MUC12: variants seen among roughly 807,000 people sequenced by gnomAD.
The protein encoded by MUC12 is mucin 12, cell surface associated.
Under a neutral mutation model 230.8 loss-of-function variants are expected in MUC12, and 172 were observed. That is an observed-to-expected ratio of 0.75 (90% CI 0.66 to 0.85). The LOEUF is 0.85. Among genes scored for constraint, MUC12 ranks in the 40% least tolerant of loss-of-function variants. MUC12 has a pLI of 0.00. For missense variants in MUC12, 3,506 were observed against 5,920.6 expected (o/e 0.59, Z 13.38); for synonymous variants, 1,259 against 2,401.9 (o/e 0.52, Z 13.91).
chr7:101,007,543 A>T (rs2116349447), intron 3 of MUC12, among the ~76,000 whole-genome samples: 1 of 152,004 alleles, frequency 6.6e-6, no homozygotes, highest in South Asian at 2.1e-4. Flanking sequence ...CTTAACAACG[A>T]CCTCCAGTTC....
At position 100,990,909 on chromosome 7, in the gene MUC12, T is replaced by G. The variant is rs1483606424; in HGVS notation, c.346T>G (p.Ser116Ala). 4.6e-6 allele frequency: 7 copies of G among 1,537,680 alleles called. No homozygotes were observed. Among genetic ancestry groups the G allele is most frequent in the Non-Finnish European group, 6.1e-6 (7 of 1,147,048 alleles). Residue 116 changes from serine to alanine, a missense_variant, in exon 2 of 12, where the codon TCA (serine) becomes GCA (alanine). By Grantham distance (99) the Ser-to-Ala change is moderately conservative. Coordinates refer to ENST00000536621, the MANE Select transcript of MUC12 (RefSeq NM_001164462.2). ...AGAACCTAAAACCTCACCCATCACT[T>G]CAGCCTCAATGGAAACAACAGCGTT... is the stretch of plus-strand genomic sequence containing the variant. ...VGEPKTSPITSASMETTALPG... is the reference protein window; with the variant it reads ...VGEPKTSPITAASMETTALPG...
rs1303769747 is a variant in MUC12, at chr7:100,991,627, T to A, written c.1064T>A (p.Val355Asp). 5.9e-6 allele frequency: 9 copies of A among 1,536,324 alleles called. No homozygotes were observed. Among genetic ancestry groups the A allele is most frequent in the Non-Finnish European group, 7.9e-6 (9 of 1,146,320 alleles). The change falls in exon 2 of 12, where the codon GTT becomes GAT. Residue 355 changes from valine (V) to aspartate (D), a missense_variant. Transcript: ENST00000536621. Reference sequence around the variant, plus strand: ...GCCCGCTCCGCGACCTCAGGCCATGTTGAAGAATCTACAGCCTACCACAGG... The same window carrying A: ...GCCCGCTCCGCGACCTCAGGCCATGATGAAGAATCTACAGCCTACCACAGG... ...PPARSATSGH[V>D]EESTAYHRSP...
intron 11 of MUC12, 75 bp from the exon 12 acceptor site, chr7:101,018,520 G>T (rs535134357): frequency 4.1e-6 from 6 of 1,461,022 alleles, no homozygotes; most frequent in South Asian, 3.6e-5. Flanking sequence ...CCCCGCCAGG[G>T]CTCCCTCTTC....
chr7:100,978,053 G>A (rs867227196), intron 1 of MUC12, among the ~76,000 whole-genome samples: 1 of 152,134 alleles, frequency 6.6e-6, no homozygotes, highest in African/African-American at 2.4e-5. Flanking sequence ...AATGACATCT[G>A]GAAAGCCCCT....
rs1238352076 is a variant in MUC12, at chr7:101,017,417, G to A, written c.15878-158G>A. On this transcript the variant is annotated intron_variant, in intron 10 of 11. Coordinates refer to ENST00000536621, the MANE Select transcript of MUC12 (RefSeq NM_001164462.2). ...CCCCAGGCAGGCTCTGCACTTACCC[G>A]CAGCCCAGTGATGCAGGGTCGGAGG... 3.2e-5 allele frequency: 19 copies of A among 593,106 alleles called. 1 individual carries two copies. The South Asian group carries it at 3.6e-4, about 11-fold the overall frequency. The allele number at this position is 593,106 out of a possible 1,614,324, so 36.7% of individuals were successfully genotyped here.
At chr7:100,990,524 G>C (rs1411136354) in intron 1 of MUC12, 107 bp from the exon 2 acceptor site, 1 of 1,357,842 alleles carries the variant, frequency 7.4e-7, no homozygotes, top group African/African-American at 1.4e-5. Flanking sequence ...CAATACCATG[G>C]GCTGACCAGG....
rs750014426 is a variant in MUC12 at position 101,006,534 on chromosome 7, G to A, written c.15020G>A (p.Gly5007Asp). ...TGCGTCTGTCCCCAAGGCTACGTTG[G>A]TTACCAGTGCTTGTCCCCTCTGGAA... ...KQCVCPQGYV[G>D]YQCLSPLESF... Residue 5007 changes from glycine to aspartate, a missense_variant, in exon 3 of 12, where the codon GGT becomes GAT. By Grantham distance (94) the Gly-to-Asp change is moderately conservative (BLOSUM62 -1). Transcript: ENST00000536621. 2 of 1,537,230 alleles carry A rather than the reference G, an allele frequency of 1.3e-6. No homozygotes were observed. Among genetic ancestry groups the A allele is most frequent in the Admixed American group, 2.0e-5 (1 of 50,986 alleles).
intron 1 of MUC12, among the ~76,000 whole-genome samples, chr7:100,973,435 C>T (rs1338351864): frequency 9.0e-6 from 1 of 111,552 alleles, no homozygotes; most frequent in Non-Finnish European, 2.0e-5. Flanking sequence ...GCCCCAGCCC[C>T]TACTACAGGC....
Position 100,992,086 on chromosome 7 carries a change from T to A in MUC12, c.1523T>A (p.Leu508Ter), listed in dbSNP as rs553651662. The A allele has an allele frequency of 6.5e-7, 1 of 1,537,004 alleles. No homozygotes were observed. The highest frequency in any genetic ancestry group is 2.4e-5 in the East Asian group (1 of 40,844). Reference protein sequence around the residue: ...SSPRSPDTTHLPASMTSSGVS... With the variant: ...SSPRSPDTTH ...CCCAGATCACCAGACACAACACACT[T>A]ACCTGCCAGCATGACAAGCTCAGGC... Residue 508 changes from leucine to a stop codon, truncating the protein, a stop_gained, in exon 2 of 12, where the codon TTA becomes TAA. Coordinates refer to ENST00000536621, the MANE Select transcript of MUC12 (RefSeq NM_001164462.2). LOFTEE classifies it high-confidence loss of function.
chr7:101,018,594 G>C lies in MUC12; in HGVS notation c.15967-1G>C, dbSNP rs1386746556. 2 of 1,535,614 alleles carry C rather than the reference G, an allele frequency of 1.3e-6. No individual in the cohort carries two copies. The highest frequency in any genetic ancestry group is 2.5e-5 in the East Asian group (1 of 40,670). ...CTCACCTCTTCTCTCCCGTCCCCCAGCTCCACATCCAGAGGCCGGAGATGG... is the reference window on the plus strand; with the variant it reads ...CTCACCTCTTCTCTCCCGTCCCCCACCTCCACATCCAGAGGCCGGAGATGG... On this transcript the variant is annotated splice_acceptor_variant, in intron 11 of 11. Coordinates refer to ENST00000536621, the MANE Select transcript of MUC12 (RefSeq NM_001164462.2). LOFTEE classifies it high-confidence loss of function.
chr7:101,006,530 G>A lies in MUC12; in HGVS notation c.15016G>A (p.Val5006Ile), dbSNP rs992982479. 37 of 1,537,124 alleles carry A rather than the reference G, an allele frequency of 2.4e-5. No individual in the cohort carries two copies. The highest frequency in any genetic ancestry group is 4.9e-5 in the East Asian group (2 of 40,932). ...GKQCVCPQGY[V>I]GYQCLSPLES... ...ACAATGCGTCTGTCCCCAAGGCTAC[G>A]TTGGTTACCAGTGCTTGTCCCCTCT... is the stretch of plus-strand genomic sequence containing the variant. Residue 5006 changes from valine to isoleucine, a missense_variant, in exon 3 of 12, where the codon GTT becomes ATT. Val to Ile is a conservative substitution (Grantham distance 29). Transcript: ENST00000536621.
chr7:101,005,490 CT>C lies in MUC12; in HGVS notation c.14928del (p.Thr4977LeufsTer7). ...CCAAGCTTCACTTCTACAATTGTGT[CT>C]ACTGAAAGCCTGGAAACCTTAGCAC... ...TSPSFTSTIV[S>X]TESLETLAPG... On this transcript the variant is annotated frameshift_variant, in exon 2 of 12. Coordinates refer to ENST00000536621, the MANE Select transcript of MUC12 (RefSeq NM_001164462.2). LOFTEE classifies it high-confidence loss of function. 1 of 1,537,370 alleles carries C rather than the reference CT, an allele frequency of 6.5e-7. No individual in the cohort carries two copies. Among genetic ancestry groups the C allele is most frequent in the Non-Finnish European group, 8.7e-7 (1 of 1,146,738 alleles).
chr7:100,978,603 A>G (rs992954457), intron 1 of MUC12, among the ~76,000 whole-genome samples: 6 of 152,076 alleles, frequency 3.9e-5, no homozygotes, highest in Non-Finnish European at 5.9e-5. Context: ...CCACACTGCC[A>G]CTGCCTCTTC....
intron 9 of MUC12, among the ~76,000 whole-genome samples, chr7:101,014,804 T>G (rs1438242603): frequency 1.3e-5 from 2 of 151,594 alleles, no homozygotes; most frequent in African/African-American, 4.9e-5. Context: ...TAAATTAAAT[T>G]AAATTAAATT....
At chr7:101,012,684 G>A (rs1793855152) in intron 6 of MUC12, 135 bp from the exon 7 acceptor site, 2 of 1,069,890 alleles carry the variant, frequency 1.9e-6, no homozygotes, top group East Asian at 2.6e-5. Flanking sequence ...CCAGCTGCAT[G>A]TCTAGGGTGG....
intron 10 of MUC12, among the ~76,000 whole-genome samples, chr7:101,016,255 A>T (rs1793916996): frequency 6.6e-6 from 1 of 151,922 alleles, no homozygotes; most frequent in Non-Finnish European, 1.5e-5. Context: ...AGAGTGAGGG[A>T]CGTGAGGTTG....
rs117387753 is a variant in MUC12, at chr7:100,991,606, G to A, written c.1043G>A (p.Arg348His). 0.014 allele frequency: 21,826 copies of A among 1,536,820 alleles called. 232 individuals are homozygous for A. The highest frequency in any genetic ancestry group is 0.018 in the South Asian group (1,489 of 84,024). The change falls in exon 2 of 12, where the codon CGC becomes CAC. Residue 348 changes from arginine to histidine, a missense_variant. Physicochemically the swap from Arg to His is conservative, Grantham distance 29. Coordinates refer to ENST00000536621, the MANE Select transcript of MUC12 (RefSeq NM_001164462.2). ...ACTGCAACAACACCCCCACCTGCCC[G>A]CTCCGCGACCTCAGGCCATGTTGAA... ...VATATTPPPARSATSGHVEES... is the reference protein window; with the variant it reads ...VATATTPPPAHSATSGHVEES...
In MUC12 at chr7:101,005,361, C is replaced by T. The variant is rs938317857; in HGVS notation, c.14798C>T (p.Pro4933Leu). The T allele has an allele frequency of 1.3e-6, 2 of 1,537,854 alleles. No homozygotes were observed. The highest frequency in any genetic ancestry group is 1.4e-5 in the African/African-American group (1 of 73,134). ...RSTASDLVGE[P>L]TTFYISPSPT... ...ACAGCCTCAGACCTTGTTGGAGAACCTACAACTTTCTACATCAGCCCATCC... is the reference window on the plus strand; with the variant it reads ...ACAGCCTCAGACCTTGTTGGAGAACTTACAACTTTCTACATCAGCCCATCC... Residue 4933 changes from proline (P) to leucine (L), a missense_variant, in exon 2 of 12, where the codon CCT becomes CTT. Pro to Leu is a moderately conservative substitution (Grantham distance 98). Coordinates refer to ENST00000536621, the MANE Select transcript of MUC12 (RefSeq NM_001164462.2).
intron 1 of MUC12, among the ~76,000 whole-genome samples, chr7:100,978,411 A>G (rs1288467100): frequency 6.6e-6 from 1 of 152,204 alleles, no homozygotes; most frequent in East Asian, 1.9e-4. Flanking sequence ...AGTGCCTCCC[A>G]TAACATTGTA....
Sources: allele counts gnomAD v4.1 joint callset (sites outside exome capture counted in the v4.1 genomes callset), GRCh38; gene constraint gnomAD v4.1.1; transcripts MANE v1.5; gene names NCBI Gene and HGNC (gene_info 2026-07-23, HGNC 2026-07-21).